The following GRIA1 variants were observed in gnomAD, a reference collection of about 807,000 sequenced individuals.
GRIA1 encodes glutamate ionotropic receptor AMPA type subunit 1.
A neutral mutation model predicts 99.2 loss-of-function variants in GRIA1; 31 were observed. The ratio of observed to expected loss-of-function variants is 0.31; its 90% confidence interval spans 0.23 to 0.42. GRIA1 has a LOEUF of 0.42. Among genes scored for constraint, GRIA1 ranks in the 10% least tolerant of loss-of-function variants. GRIA1 has a pLI of 1.00. For synonymous variants in GRIA1, 438 were observed against 432.4 expected, an observed-to-expected ratio of 1.01 and a Z score of -0.16; for missense variants, 782 against 1,157.5, an observed-to-expected ratio of 0.68 and a Z score of 4.71.
intron 11 of GRIA1, among the ~76,000 whole-genome samples, chr5:153,712,439 G>A (rs1350475477): frequency 6.6e-6 from 1 of 152,200 alleles, no homozygotes; most frequent in African/African-American, 2.4e-5. Context: ...CCTGACCTTT[G>A]CATTCACATA....
intron 2 of GRIA1, among the ~76,000 whole-genome samples, chr5:153,645,036 C>G (rs138002679): frequency 6.6e-6 from 1 of 152,196 alleles, no homozygotes; most frequent in East Asian, 1.9e-4. Flanking sequence ...GGAGAAAGAA[C>G]AATGTGTTTT....
intron 2 of GRIA1, among the ~76,000 whole-genome samples, chr5:153,587,171 G>A (rs1763564206): frequency 6.6e-6 from 1 of 152,074 alleles, no homozygotes; most frequent in African/African-American, 2.4e-5. Context: ...GGGTCATGGG[G>A]GCAGATCCCT....
chr5:153,811,130 G>C lies in GRIA1; in HGVS notation c.2626G>C (p.Gly876Arg). ...GASSGGSGEN[G>R]RVVSHDFPKS... The stretch of plus-strand genomic sequence containing the variant: ...CAGCAGCGGCGGCAGTGGAGAGAAT[G>C]GTCGGGTGGTCAGCCATGACTTCCC... Residue 876 changes from glycine to arginine, a missense_variant, in exon 16 of 16, where the codon GGT becomes CGT. Transcript: ENST00000285900. 1 of 1,614,124 alleles carries C rather than the reference G, an allele frequency of 6.2e-7. No homozygotes were observed. The highest frequency in any genetic ancestry group is 8.5e-7 in the Non-Finnish European group (1 of 1,179,964).
At chr5:153,560,305 G>T (rs1240930865) in intron 2 of GRIA1, among the ~76,000 whole-genome samples, 1 of 152,064 alleles carries the variant, frequency 6.6e-6, no homozygotes, top group Non-Finnish European at 1.5e-5. Flanking sequence ...ATGGACTTAG[G>T]TTTCTAAATT....
At chr5:153,495,493 A>G (rs1754323145) in intron 2 of GRIA1, among the ~76,000 whole-genome samples, 1 of 152,202 alleles carries the variant, frequency 6.6e-6, no homozygotes, top group Admixed American at 6.5e-5. Context: ...ACCCTAATCA[A>G]CTAGTGGGAT....
chr5:153,775,634 G>T (rs1764176595), intron 13 of GRIA1, among the ~76,000 whole-genome samples: 1 of 151,918 alleles, frequency 6.6e-6, no homozygotes, highest in East Asian at 1.9e-4. Flanking sequence ...ATGCTGCAGG[G>T]AATGGCAGTG....
At chr5:153,740,222 C>T (rs1364374784) in intron 11 of GRIA1, among the ~76,000 whole-genome samples, 1 of 152,172 alleles carries the variant, frequency 6.6e-6, no homozygotes, top group Admixed American at 6.5e-5. Context: ...AGATCTCACC[C>T]CTACCCTCCA....
At chr5:153,521,060 A>G (rs1757093597) in intron 2 of GRIA1, among the ~76,000 whole-genome samples, 1 of 152,202 alleles carries the variant, frequency 6.6e-6, no homozygotes, top group African/African-American at 2.4e-5. Flanking sequence ...AGAATTCAAA[A>G]ACAAATGAGG....
intron 5 of GRIA1, among the ~76,000 whole-genome samples, chr5:153,665,281 A>G (rs1755663938): frequency 6.6e-6 from 1 of 152,240 alleles, no homozygotes; most frequent in Non-Finnish European, 1.5e-5. Context: ...TGCTTTGTCA[A>G]TACTGGATAC....
intron 4 of GRIA1, among the ~76,000 whole-genome samples, chr5:153,654,789 A>G (rs1754818863): frequency 6.6e-6 from 1 of 152,166 alleles, no homozygotes; most frequent in South Asian, 2.1e-4. Context: ...GGAGAGAGAC[A>G]CCGAGCAGAG....
chr5:153,750,147 G>A (rs1488115897), intron 11 of GRIA1, among the ~76,000 whole-genome samples: 1 of 152,088 alleles, frequency 6.6e-6, no homozygotes, highest in Non-Finnish European at 1.5e-5. Flanking sequence ...TGGATGAAGT[G>A]GCCTCATCAG....
intron 2 of GRIA1, among the ~76,000 whole-genome samples, chr5:153,561,983 C>A (rs1197569091): frequency 6.6e-6 from 1 of 152,120 alleles, no homozygotes; most frequent in Non-Finnish European, 1.5e-5. Context: ...ACACTGATAA[C>A]AACTATGAAT....
chr5:153,690,263 T>C (rs2149502072), intron 8 of GRIA1, among the ~76,000 whole-genome samples: 2 of 149,900 alleles, frequency 1.3e-5, no homozygotes, highest in African/African-American at 4.9e-5. Flanking sequence ...ACAAATAATA[T>C]AATATAATAT....
At chr5:153,693,266 G>A (rs552852639) in intron 8 of GRIA1, among the ~76,000 whole-genome samples, 11 of 152,196 alleles carry the variant, frequency 7.2e-5, no homozygotes, top group African/African-American at 2.4e-4. Context: ...GTTGTATTCC[G>A]TTGGCCAGAA....
intron 11 of GRIA1, among the ~76,000 whole-genome samples, chr5:153,745,514 A>AGGAG (rs1230033589): frequency 1.3e-5 from 2 of 149,824 alleles, no homozygotes; most frequent in African/African-American, 4.9e-5. Flanking sequence ...GCTTGAACCC[A>AGGAG]GGAGGCAGAG....
chr5:153,513,087 T>C (rs917206949), intron 2 of GRIA1, among the ~76,000 whole-genome samples: 1 of 152,118 alleles, frequency 6.6e-6, no homozygotes, highest in African/African-American at 2.4e-5. Context: ...AAAAAAGAAA[T>C]TTTTGTTGTT....
At chr5:153,535,181 C>A (rs1365341778) in intron 2 of GRIA1, among the ~76,000 whole-genome samples, 1 of 152,160 alleles carries the variant, frequency 6.6e-6, no homozygotes, top group Non-Finnish European at 1.5e-5. Context: ...CTCGGCCTCC[C>A]AAAATGCTGG....
intron 13 of GRIA1, among the ~76,000 whole-genome samples, chr5:153,781,738 A>T (rs78660405): frequency 0.038 from 5,827 of 152,260 alleles, 338 homozygotes; most frequent in African/African-American, 0.13. Context: ...CTCTTTGGCC[A>T]TTACTAATAA....
chr5:153,536,334 C>T (rs540820715), intron 2 of GRIA1, among the ~76,000 whole-genome samples: 5 of 152,114 alleles, frequency 3.3e-5, no homozygotes, highest in Non-Finnish European at 7.4e-5. Flanking sequence ...TACCAATAAG[C>T]TTTCCTCAAT....
Sources: allele counts gnomAD v4.1 joint callset (sites outside exome capture counted in the v4.1 genomes callset), GRCh38; gene constraint gnomAD v4.1.1; transcripts MANE v1.5; gene names NCBI Gene and HGNC (gene_info 2026-07-23, HGNC 2026-07-21).